The following SORT1 variants were observed in gnomAD, a reference collection of about 807,000 sequenced individuals.
SORT1 encodes sortilin.
In SORT1, 39 loss-of-function variants were observed where a neutral mutation model predicts 101.7. The ratio of observed to expected loss-of-function variants is 0.38; its 90% CI spans 0.30 to 0.50. The LOEUF (loss-of-function observed/expected upper bound fraction) is 0.50, where lower values mean the gene tolerates loss of function less well. SORT1 is among the 20% of genes least tolerant of loss of function. The pLI, the probability that SORT1 is intolerant of heterozygous loss-of-function variation, is 0.90. For missense variants in SORT1, 878 were observed against 1,040.4 expected (o/e 0.84, Z 2.15); for synonymous variants, 396 against 393.7 (o/e 1.01, Z -0.07).
intron 1 of SORT1, among the ~76,000 whole-genome samples, chr1:109,388,092 T>C (rs1652690245): frequency 6.6e-6 from 1 of 152,194 alleles, no homozygotes; most frequent in South Asian, 2.1e-4. Flanking sequence ...GACCTCACTA[T>C]GTTGCCCAGG....
intron 1 of SORT1, chr1:109,392,853 G>A: frequency 1.0e-6 from 1 of 985,192 alleles, no homozygotes; most frequent in Non-Finnish European, 1.2e-6. Context: ...GGACCAAGAA[G>A]GAGATCCTAC....
chr1:109,355,852 A>G (rs549988517), intron 3 of SORT1, among the ~76,000 whole-genome samples: 1 of 152,164 alleles, frequency 6.6e-6, no homozygotes, highest in African/African-American at 2.4e-5. Context: ...TTGTCCCCCA[A>G]GAAACATTTG....
chr1:109,397,790 C>T lies in SORT1; in HGVS notation c.103G>A (p.Asp35Asn), dbSNP rs1389841265. ...QLLPPSTLSQ[D>N]RLDAPPPPAA... ...GGCGGCGGCGGCGCGTCCAGCCGGT[C>T]CTGGCTGAGGGTCGACGGCGGCAGC... The change falls in exon 1 of 20, where the codon GAC (aspartate) becomes AAC (asparagine). Residue 35 changes from aspartate (D) to asparagine (N), a missense_variant. Transcript: ENST00000256637. 2.4e-6 allele frequency: 3 copies of T among 1,252,610 alleles called. No individual in the cohort carries two copies. Among genetic ancestry groups the T allele is most frequent in the Non-Finnish European group, 3.0e-6 (3 of 992,428 alleles). 77.6% of individuals were successfully genotyped at this position (1,252,610 alleles called of 1,614,324 possible).
chr1:109,353,292 C>A (rs1315606503), intron 5 of SORT1, among the ~76,000 whole-genome samples: 1 of 146,138 alleles, frequency 6.8e-6, no homozygotes, highest in African/African-American at 2.6e-5. Context: ...TGAGCCATTG[C>A]ACTCCAGCCT....
chr1:109,360,414 C>T (rs560095603), intron 3 of SORT1, among the ~76,000 whole-genome samples: 47 of 152,214 alleles, frequency 3.1e-4, no homozygotes, highest in African/African-American at 1.1e-3. Flanking sequence ...CTCACTATAG[C>T]CTAGAACTCC....
chr1:109,372,255 T>G (rs1017127849), intron 1 of SORT1, among the ~76,000 whole-genome samples: 1 of 152,220 alleles, frequency 6.6e-6, no homozygotes, highest in African/African-American at 2.4e-5. Context: ...CTTAGATCTT[T>G]CAAAATATGT....
At chr1:109,323,812 A>G (rs1647803140) in intron 14 of SORT1, among the ~76,000 whole-genome samples, 1 of 152,204 alleles carries the variant, frequency 6.6e-6, no homozygotes, top group Non-Finnish European at 1.5e-5. Context: ...TCTTTTAATG[A>G]CATTACACTT....
intron 7 of SORT1, 109 bp from the exon 8 acceptor site, chr1:109,345,990 A>G (rs1281762063): frequency 1.1e-6 from 1 of 896,330 alleles, no homozygotes; most frequent in Non-Finnish European, 1.7e-6. Context: ...TTTAAATACT[A>G]TGCATGTTAA....
In SORT1 at chr1:109,314,158, C is replaced by T. The variant is rs1434262627; in HGVS notation, c.2482-101G>A. Reference sequence around the variant, plus strand: ...TTGCCAAATCTTATGGTCATTAAGTCGCCTTGGCCCTGGCATATCTTGATC... The same window carrying T: ...TTGCCAAATCTTATGGTCATTAAGTTGCCTTGGCCCTGGCATATCTTGATC... On this transcript the variant is annotated intron_variant, in intron 19 of 19. Transcript: ENST00000256637. 20 of 1,600,454 alleles carry T rather than the reference C, an allele frequency of 1.2e-5. 1 individual carries two copies. Among genetic ancestry groups the T allele is most frequent in the South Asian group, 1.1e-4 (10 of 90,384 alleles).
intron 1 of SORT1, among the ~76,000 whole-genome samples, chr1:109,386,476 C>A (rs1340836647): frequency 6.6e-6 from 1 of 152,136 alleles, no homozygotes; most frequent in Non-Finnish European, 1.5e-5. Context: ...ATATGGGGAG[C>A]TGAAGGGACT....
chr1:109,310,616 G>C lies in SORT1; in HGVS notation c.*3427C>G, dbSNP rs977354185. 5 of 153,348 alleles carry C rather than the reference G, an allele frequency of 3.3e-5. No homozygotes were observed. Among genetic ancestry groups the C allele is most frequent in the African/African-American group, 1.2e-4 (5 of 41,456 alleles). The allele number at this position is 153,348 out of a possible 1,614,324, so 9.5% of individuals were successfully genotyped here. ...TATTTTAGCACTTCCAAGTATCCTG[G>C]ATGAATATAGGGGCGAGGGGCTACA... On this transcript the variant is annotated 3_prime_UTR_variant, in exon 20 of 20. Transcript: ENST00000256637.
chr1:109,390,988 C>G (rs1204408932), intron 1 of SORT1, among the ~76,000 whole-genome samples: 2 of 151,998 alleles, frequency 1.3e-5, no homozygotes, highest in African/African-American at 4.8e-5. Context: ...CATCTATTTT[C>G]AAACACACAG....
At chr1:109,375,629 C>G (rs1004084157) in intron 1 of SORT1, among the ~76,000 whole-genome samples, 2 of 151,140 alleles carry the variant, frequency 1.3e-5, no homozygotes, top group Admixed American at 1.3e-4. Context: ...CTCAGAAACC[C>G]TAAGCTCAAG....
intron 9 of SORT1, 70 bp downstream of exon 9, chr1:109,341,944 T>C (rs992976122): frequency 2.1e-6 from 3 of 1,437,968 alleles, no homozygotes; most frequent in African/African-American, 1.4e-5. Flanking sequence ...AAACTCGACA[T>C]GTAAAAATAA....
intron 1 of SORT1, among the ~76,000 whole-genome samples, chr1:109,373,849 C>A (rs916867216): frequency 5.3e-5 from 8 of 152,042 alleles, no homozygotes; most frequent in African/African-American, 9.7e-5. Context: ...TTTGGGAGGC[C>A]GAGGTGGGAG....
At chr1:109,331,775 T>C (rs1648468975) in intron 11 of SORT1, among the ~76,000 whole-genome samples, 1 of 151,980 alleles carries the variant, frequency 6.6e-6, no homozygotes, top group Non-Finnish European at 1.5e-5. Context: ...AGCTTATATA[T>C]AAAAATCCTT....
intron 1 of SORT1, among the ~76,000 whole-genome samples, chr1:109,384,672 C>T (rs1031036664): frequency 2.6e-5 from 4 of 152,140 alleles, no homozygotes; most frequent in Admixed American, 1.3e-4. Flanking sequence ...AAAGAAAAGA[C>T]GTTTATGTAG....
intron 10 of SORT1, among the ~76,000 whole-genome samples, 155 bp from the exon 11 acceptor site, chr1:109,336,501 G>A (rs557234339): frequency 6.6e-6 from 1 of 152,292 alleles, no homozygotes; most frequent in African/African-American, 2.4e-5. Context: ...TGGTAACGGA[G>A]CAGCACTTTA....
intron 1 of SORT1, among the ~76,000 whole-genome samples, chr1:109,372,640 C>T (rs551378793): frequency 7.9e-5 from 12 of 152,172 alleles, no homozygotes; most frequent in African/African-American, 1.9e-4. Flanking sequence ...CAGAATGGGC[C>T]GGGCGCGGTG....
Sources: gnomAD v4.1 joint callset for allele counts (sites outside exome capture counted in the v4.1 genomes callset) on GRCh38, gnomAD v4.1.1 for gene constraint, MANE v1.5 for transcripts, NCBI Gene and HGNC (gene_info 2026-07-23, HGNC 2026-07-21) for gene names.